Variants in BCAS3 observed in about 807,000 individuals in gnomAD.
The protein encoded by BCAS3 is BCAS4/BCAS3 fusion.
In BCAS3, 53 loss-of-function variants were observed where a neutral mutation model predicts 116.1. The ratio of observed to expected loss-of-function variants is 0.46; its 90% CI spans 0.37 to 0.57. The LOEUF (loss-of-function observed/expected upper bound fraction) is 0.57, where lower values mean the gene tolerates loss of function less well. Among genes scored for constraint, BCAS3 ranks in the 20% least tolerant of loss-of-function variants. The pLI is 0.00. For synonymous variants in BCAS3, 391 were observed against 408.2 expected, an observed-to-expected ratio of 0.96 and a Z score of 0.51; for missense variants, 917 against 1,165.4, an observed-to-expected ratio of 0.79 and a Z score of 3.10.
rs1192252409 is a variant in BCAS3, at chr17:61,145,600, AGCAC to A, written c.2425+61037_2425+61040del. On this transcript the variant is annotated intron_variant, in intron 22 of 23. Transcript: ENST00000407086. The surrounding 1 kb of genome is among the most constrained non-coding windows in gnomAD (Gnocchi z 5.0). ...AGGAGTTCATTGAACTGTACAGCAC[AGCAC>A]CAGACCCTTGTGTCATTTAATGTTA... Among the ~76,000 whole-genome samples the A allele has an allele frequency of 2.6e-5, 4 of 152,358 alleles. No homozygotes were observed. In the East Asian group the frequency reaches 7.7e-4, roughly 29 times the overall value.
chr17:61,164,129 T>C (rs1190422369), intron 22 of BCAS3, among the ~76,000 whole-genome samples: 3 of 148,026 alleles, frequency 2.0e-5, no homozygotes, highest in African/African-American at 7.5e-5. Flanking sequence ...ACATCAGTAC[T>C]GGGAAATTTA....
At chr17:61,143,950 G>A (rs2077059611) in intron 22 of BCAS3, among the ~76,000 whole-genome samples, 1 of 152,238 alleles carries the variant, frequency 6.6e-6, no homozygotes, top group Admixed American at 6.5e-5. Context: ...GCACCAAGTA[G>A]ATGGTGATTA....
At chr17:60,897,316 G>A (rs1420082735) in intron 10 of BCAS3, among the ~76,000 whole-genome samples, 2 of 152,094 alleles carry the variant, frequency 1.3e-5, no homozygotes, top group Admixed American at 6.6e-5. Flanking sequence ...GACTAGACAC[G>A]ATTTTTTCTT....
At chr17:60,700,224 G>GGT (rs1185945632) in intron 4 of BCAS3, among the ~76,000 whole-genome samples, 5 of 151,994 alleles carry the variant, frequency 3.3e-5, no homozygotes, top group African/African-American at 1.2e-4. Flanking sequence ...GGTGAGCAGT[G>GGT]GTGGAAGCAG....
intron 10 of BCAS3, among the ~76,000 whole-genome samples, chr17:60,901,360 A>T (rs903972341): frequency 6.6e-6 from 1 of 152,120 alleles, no homozygotes; most frequent in Non-Finnish European, 1.5e-5. Context: ...CAGAGGAATA[A>T]TTTTCATAAT....
At chr17:60,924,756 A>G (rs931210936) in intron 13 of BCAS3, among the ~76,000 whole-genome samples, 1 of 152,050 alleles carries the variant, frequency 6.6e-6, no homozygotes, top group African/African-American at 2.4e-5. Context: ...CTGTTGAGTT[A>G]CATGAATTTC....
At chr17:60,797,450 A>C (rs1301662044) in intron 6 of BCAS3, among the ~76,000 whole-genome samples, 1 of 151,210 alleles carries the variant, frequency 6.6e-6, no homozygotes, top group Admixed American at 6.6e-5. Context: ...CCTGGGCCCA[A>C]GCAGTTCTCC....
rs1466161061 is a variant in BCAS3 at position 61,258,968 on chromosome 17, A to G, written c.2426-109359A>G. ...CTTGGGGATTCTTGTTTTGTTTCTG[A>G]TTAAAAGATGAGTTTCCTTCTTAAA... On this transcript the variant is annotated intron_variant, in intron 22 of 23. Coordinates refer to ENST00000407086, the MANE Select transcript of BCAS3 (RefSeq NM_017679.5). The surrounding 1 kb of genome is among the most constrained non-coding windows in gnomAD (Gnocchi z 4.7). Among the ~76,000 whole-genome samples, 1 of 152,198 alleles carries G rather than the reference A, an allele frequency of 6.6e-6. No individual in the cohort carries two copies. The highest frequency in any genetic ancestry group is 1.5e-5 in the Non-Finnish European group (1 of 68,030).
intron 22 of BCAS3, among the ~76,000 whole-genome samples, chr17:61,257,904 G>A (rs2144575797): frequency 6.6e-6 from 1 of 152,244 alleles, no homozygotes; most frequent in African/African-American, 2.4e-5. Context: ...TTTCACTCTG[G>A]TTCAAACTGA....
intron 22 of BCAS3, among the ~76,000 whole-genome samples, chr17:61,257,396 G>A (rs1472152881): frequency 6.8e-6 from 1 of 147,940 alleles, no homozygotes; most frequent in African/African-American, 2.5e-5. Context: ...ACTCCAACCT[G>A]GGAGACAGAG....
chr17:61,027,995 A>G (rs1172797135), intron 16 of BCAS3, among the ~76,000 whole-genome samples: 2 of 151,914 alleles, frequency 1.3e-5, no homozygotes. Flanking sequence ...TGTAAGCTAT[A>G]TTAATTTTAT....
chr17:60,727,924 C>T (rs1187631456), intron 5 of BCAS3, among the ~76,000 whole-genome samples: 1 of 151,814 alleles, frequency 6.6e-6, no homozygotes, highest in Non-Finnish European at 1.5e-5. Context: ...CCTCCCACCT[C>T]AGCCTCCTGG....
intron 5 of BCAS3, among the ~76,000 whole-genome samples, chr17:60,723,753 C>G (rs111245899): frequency 0.014 from 1,575 of 116,172 alleles, 37 homozygotes; most frequent in African/African-American, 0.049. Context: ...AAGTCTCGCT[C>G]TGTTGCCCAG....
rs2079389488 is a variant in BCAS3 at position 61,180,019 on chromosome 17, A to G, written c.2425+95455A>G. On this transcript the variant is annotated intron_variant, in intron 22 of 23. Coordinates refer to ENST00000407086, the MANE Select transcript of BCAS3 (RefSeq NM_017679.5). The surrounding 1 kb of genome is among the most constrained non-coding windows in gnomAD (Gnocchi z 6.0). Reference sequence around the variant, plus strand: ...ATTCTCTGAGCTGTTTCATAAAAATATATCTGCAAGCTGTAGCGACCTGGG... The same window carrying G: ...ATTCTCTGAGCTGTTTCATAAAAATGTATCTGCAAGCTGTAGCGACCTGGG... Among the ~76,000 whole-genome samples, 1 of 152,010 alleles carries G rather than the reference A, an allele frequency of 6.6e-6. No homozygotes were observed. The highest frequency in any genetic ancestry group is 1.5e-5 in the Non-Finnish European group (1 of 68,020).
In BCAS3 at chr17:61,020,116, A is replaced by G. The variant is rs947245433; in HGVS notation, c.1637+4215A>G. On this transcript the variant is annotated intron_variant, in intron 16 of 23. Transcript: ENST00000407086. This position sits in a 1 kb window ranked among gnomAD's most constrained non-coding sequence, Gnocchi z 4.5. ...GGTCATAAAATAACCATAAAGTGTT[A>G]TATTTCTAAAGTAGAGATTTCTAAA... Among the ~76,000 whole-genome samples the G allele has an allele frequency of 2.6e-5, 4 of 152,224 alleles. No homozygotes were observed. The highest frequency in any genetic ancestry group is 5.9e-5 in the Non-Finnish European group (4 of 68,030).
chr17:60,983,282 A>G (rs1340412867), intron 14 of BCAS3, among the ~76,000 whole-genome samples: 1 of 152,188 alleles, frequency 6.6e-6, no homozygotes, highest in Admixed American at 6.5e-5. Context: ...TTGAGGTCCA[A>G]AAATCATGCA....
At chr17:61,163,334 GA>G (rs749536140) in intron 22 of BCAS3, among the ~76,000 whole-genome samples, 1 of 151,446 alleles carries the variant, frequency 6.6e-6, no homozygotes, top group Non-Finnish European at 1.5e-5. Context: ...TGAGGCAGGA[GA>G]ATGGTGTGAA....
intron 6 of BCAS3, among the ~76,000 whole-genome samples, chr17:60,785,399 T>C (rs1185267630): frequency 6.6e-6 from 1 of 152,098 alleles, no homozygotes; most frequent in Admixed American, 6.5e-5. Context: ...CCTTAAGCAA[T>C]CCACCTACCT....
rs1195419540 is a variant in BCAS3 at position 61,220,964 on chromosome 17, G to A, written c.2425+136400G>A. The stretch of plus-strand genomic sequence containing the variant: ...AAATACAAAAAATTAGCTGGGCATG[G>A]TGGCGGGCGCCTGTAGTCCCAGCTA... On this transcript the variant is annotated intron_variant, in intron 22 of 23. Transcript: ENST00000407086. The surrounding 1 kb of genome is among the most constrained non-coding windows in gnomAD (Gnocchi z 4.5). Among the ~76,000 whole-genome samples, 4 of 152,300 alleles carry A rather than the reference G, an allele frequency of 2.6e-5. No homozygotes were observed. Among genetic ancestry groups the A allele is most frequent in the Admixed American group, 2.0e-4 (3 of 15,304 alleles).
Sources: allele counts gnomAD v4.1 joint callset (sites outside exome capture counted in the v4.1 genomes callset), GRCh38; gene constraint gnomAD v4.1.1; non-coding constraint Gnocchi (gnomAD v3.1); transcripts MANE v1.5; gene names NCBI Gene and HGNC (gene_info 2026-07-23, HGNC 2026-07-21).